The following NDUFV3 variants were observed in gnomAD, a reference collection of about 807,000 sequenced individuals.
The protein encoded by NDUFV3 is NADH:ubiquinone oxidoreductase subunit V3.
In NDUFV3, 44 loss-of-function variants were observed where a neutral mutation model predicts 37.5. That is an observed-to-expected ratio of 1.17 (90% CI 0.92 to 1.51). The LOEUF is 1.51. NDUFV3 is among the 40% of genes most tolerant of loss of function. The pLI, the probability that NDUFV3 is intolerant of heterozygous loss-of-function variation, is 0.00. For synonymous variants in NDUFV3, 235 were observed against 239.3 expected (o/e 0.98, Z 0.17); for missense variants, 580 against 580.4 (o/e 1.00, Z 0.01).
Position 42,896,921 on chromosome 21 carries a change from T to G in NDUFV3, c.49-6T>G. 6.2e-7 allele frequency: 1 copy of G among 1,611,390 alleles called. No individual in the cohort carries two copies. Among genetic ancestry groups the G allele is most frequent in the Non-Finnish European group, 8.5e-7 (1 of 1,177,644 alleles). On this transcript the variant is annotated splice_polypyrimidine_tract_variant and splice_region_variant and intron_variant, in intron 1 of 3. Coordinates refer to ENST00000354250, the MANE Select transcript of NDUFV3 (RefSeq NM_021075.4). ...AAACATCCATATTCATTAATTCTTT[T>G]GTCAGACTATGCTCCAGGAAGCCCA...
rs2058732286 is a variant in NDUFV3, at chr21:42,904,284, T to C, written c.1264+8T>C. On this transcript the variant is annotated splice_region_variant and intron_variant, in intron 3 of 3. Transcript: ENST00000354250. ...ACCGAGGCGGCACACAGGGTATACCTTGACTCGCGCTCCCAAGTGCACCCT... is the reference window on the plus strand; with the variant it reads ...ACCGAGGCGGCACACAGGGTATACCCTGACTCGCGCTCCCAAGTGCACCCT... 1 of 1,582,106 alleles carries C rather than the reference T, an allele frequency of 6.3e-7. No individual in the cohort carries two copies. Among genetic ancestry groups the C allele is most frequent in the Non-Finnish European group, 8.6e-7 (1 of 1,163,694 alleles).
In NDUFV3 at chr21:42,900,804, G is replaced by C. The variant is rs549666677; in HGVS notation, c.170-2378G>C. ...ACCCTGGCGCGATGGGACATGCTGT[G>C]CCTTATTTCATCAGAGGTGTCCAGC... On this transcript the variant is annotated intron_variant, in intron 2 of 3. Transcript: ENST00000354250. 6.5e-4 allele frequency among the ~76,000 whole-genome samples: 99 copies of C among 152,286 alleles called. 1 individual carries two copies. The highest frequency in any genetic ancestry group is 6.4e-3 in the Admixed American group (98 of 15,284).
intron 2 of NDUFV3, among the ~76,000 whole-genome samples, chr21:42,897,975 C>A (rs754928328): frequency 2.6e-5 from 4 of 152,190 alleles, no homozygotes; most frequent in Non-Finnish European, 5.9e-5. Flanking sequence ...CGTGCCCAGT[C>A]CTAAATCTTT....
At position 42,912,077 on chromosome 21, in the gene NDUFV3, C is replaced by T. The variant is rs570487381; in HGVS notation, c.*3056C>T. On this transcript the variant is annotated 3_prime_UTR_variant, in exon 4 of 4. Coordinates refer to ENST00000354250, the MANE Select transcript of NDUFV3 (RefSeq NM_021075.4). ...CTAACATGGTGAAACCCCCTCTCTA[C>T]TAAAATTACAAAATTAGCCGGGCGT... 1 of 152,054 alleles carries T rather than the reference C, an allele frequency of 6.6e-6. No individual in the cohort carries two copies. The highest frequency in any genetic ancestry group is 6.6e-5 in the Admixed American group (1 of 15,258). The allele number at this position is 152,054 out of a possible 1,614,324, so 9.4% of individuals were successfully genotyped here. A position where few individuals can be genotyped will look rare whatever the true frequency, so the allele number is the denominator to read the frequency against.
In NDUFV3 at chr21:42,895,715, G is replaced by A. The variant is rs1240269627; in HGVS notation, c.49-1212G>A. Among the ~76,000 whole-genome samples the A allele has an allele frequency of 2.0e-5, 3 of 151,234 alleles. No individual in the cohort carries two copies. In the East Asian group the frequency reaches 5.8e-4, roughly 29 times the overall value. On this transcript the variant is annotated intron_variant, in intron 1 of 3. Transcript: ENST00000354250. ...GTATTTTGTAGGTTAATAAATAATTGGAGACTACAAAAAAAATGCACTGGA... is the reference window on the plus strand; with the variant it reads ...GTATTTTGTAGGTTAATAAATAATTAGAGACTACAAAAAAAATGCACTGGA...
chr21:42,908,406 T>G (rs11911003), intron 3 of NDUFV3, among the ~76,000 whole-genome samples: 1,615 of 152,362 alleles, frequency 0.011, 42 homozygotes, highest in African/African-American at 0.037. Context: ...TTTTCTTTAC[T>G]GTGGCTTTTG....
chr21:42,909,375 CAG>C lies in NDUFV3; in HGVS notation c.*356_*357del. On this transcript the variant is annotated 3_prime_UTR_variant, in exon 4 of 4. Coordinates refer to ENST00000354250, the MANE Select transcript of NDUFV3 (RefSeq NM_021075.4). ...CAGGCTGGTCTCGAACTCCTGACCT[CAG>C]ATGGTCTGCCCACCTCCGCCTCCCA... 2 of 331,432 alleles carry C rather than the reference CAG, an allele frequency of 6.0e-6. No homozygotes were observed. Among genetic ancestry groups the C allele is most frequent in the South Asian group, 5.0e-5 (2 of 40,372 alleles). The allele number at this position is 331,432 out of a possible 1,614,324, so 20.5% of individuals were successfully genotyped here. A position where few individuals can be genotyped will look rare whatever the true frequency, so the allele number is the denominator to read the frequency against.
At chr21:42,893,418 C>T (rs1309379912) in intron 1 of NDUFV3, 37 bp downstream of exon 1, 39 of 1,533,980 alleles carry the variant, frequency 2.5e-5, no homozygotes, top group Non-Finnish European at 3.4e-5. Context: ...CTGCGCGGCC[C>T]CGAGCCTACG....
Position 42,904,059 on chromosome 21 carries a change from G to A in NDUFV3, c.1047G>A (p.Leu349=), listed in dbSNP as rs1383926569. The part of the protein sequence containing the change: ...PEPQRKAAPP[L]PRKETSGTQG... ...CCCAGCGCAAGGCGGCCCCTCCCCTGCCCAGAAAGGAAACCTCAGGGACGC... is the reference window on the plus strand; with the variant it reads ...CCCAGCGCAAGGCGGCCCCTCCCCTACCCAGAAAGGAAACCTCAGGGACGC... Residue 349 remains leucine, a synonymous_variant, in exon 3 of 4, where the codon CTG becomes CTA. Transcript: ENST00000354250. The A allele has an allele frequency of 1.2e-6, 2 of 1,614,232 alleles. No homozygotes were observed. Among genetic ancestry groups the A allele is most frequent in the Non-Finnish European group, 1.7e-6 (2 of 1,180,040 alleles).
chr21:42,893,640 C>G (rs1266847408), intron 1 of NDUFV3, among the ~76,000 whole-genome samples: 1 of 152,196 alleles, frequency 6.6e-6, no homozygotes, highest in Non-Finnish European at 1.5e-5. Context: ...TGGCGTGCCC[C>G]GTGCCGACGG....
intron 3 of NDUFV3, among the ~76,000 whole-genome samples, chr21:42,905,084 C>T (rs991664820): frequency 1.3e-5 from 2 of 152,088 alleles, no homozygotes; most frequent in African/African-American, 2.4e-5. Flanking sequence ...CCACCGTGCC[C>T]GGCCCCCAAC....
rs1179022755 is a variant in NDUFV3 at position 42,893,714 on chromosome 21, G to C, written c.48+333G>C. Among the ~76,000 whole-genome samples the C allele has an allele frequency of 2.6e-5, 4 of 152,338 alleles. No homozygotes were observed. In the East Asian group the frequency reaches 7.7e-4, roughly 29 times the overall value. On this transcript the variant is annotated intron_variant, in intron 1 of 3. Coordinates refer to ENST00000354250, the MANE Select transcript of NDUFV3 (RefSeq NM_021075.4). ...GTGGACGTTCCCAGGTGATGCTGCC[G>C]CGCGGCTGGGGTCAGCCGCTGTGCG...
chr21:42,904,812 GAC>G (rs2058734616), intron 3 of NDUFV3, among the ~76,000 whole-genome samples: 15 of 143,466 alleles, frequency 1.0e-4, no homozygotes, highest in African/African-American at 3.6e-4. Context: ...TTTTTTTTGA[GAC>G]AGAGTCTTGC....
intron 2 of NDUFV3, among the ~76,000 whole-genome samples, chr21:42,899,094 C>G (rs1219862370): frequency 3.3e-5 from 5 of 152,140 alleles, no homozygotes; most frequent in Admixed American, 2.0e-4. Flanking sequence ...TTGACGGGCC[C>G]TGCAGGCCTC....
rs1228597836 is a variant in NDUFV3, at chr21:42,894,360, T to TTA, written c.48+989_48+990dup. Among the ~76,000 whole-genome samples, 6 of 26,002 alleles carry TTA rather than the reference T, an allele frequency of 2.3e-4. 2 individuals carry two copies. The highest frequency in any genetic ancestry group is 4.7e-4 in the East Asian group (1 of 2,110). 17.1% of individuals were successfully genotyped at this position (26,002 alleles called of 152,430 possible). On this transcript the variant is annotated intron_variant, in intron 1 of 3. Coordinates refer to ENST00000354250, the MANE Select transcript of NDUFV3 (RefSeq NM_021075.4). Reference sequence around the variant, plus strand: ...TATATATATTATATATAAATATATATTATATATATATTTATATAATATGTA... The same window carrying TTA: ...TATATATATTATATATAAATATATATTATATATATATATTTATATAATATGTA...
intron 2 of NDUFV3, among the ~76,000 whole-genome samples, chr21:42,899,274 C>CTTTTTTTTTTTTTTTTT (rs1174011282): frequency 1.8e-5 from 1 of 54,842 alleles, no homozygotes; most frequent in Non-Finnish European, 3.5e-5. Context: ...ACAGTTGTAT[C>CTTTTTTTTTTTTTTTTT]TTGTTTTTTT....
chr21:42,902,562 G>C lies in NDUFV3; in HGVS notation c.170-620G>C, dbSNP rs1451435879. Among the ~76,000 whole-genome samples, 10 of 152,332 alleles carry C rather than the reference G, an allele frequency of 6.6e-5. No individual in the cohort carries two copies. The East Asian group carries it at 1.9e-3, about 29-fold the overall frequency. On this transcript the variant is annotated intron_variant, in intron 2 of 3. Coordinates refer to ENST00000354250, the MANE Select transcript of NDUFV3 (RefSeq NM_021075.4). ...AGTTCTATTTTGAGGTGACAGGGAA[G>C]CAACAAGGCGAATTCCTGCTTTCAC...
intron 1 of NDUFV3, 62 bp downstream of exon 1, chr21:42,893,443 A>AGGGGGCGCGGTGCTGGTC: frequency 6.6e-7 from 1 of 1,522,096 alleles, no homozygotes; most frequent in South Asian, 1.2e-5. Flanking sequence ...GGATGGGGTG[A>AGGGGGCGCGGTGCTGGTC]GGGGGCGCGG....
rs2058760977 is a variant in NDUFV3, at chr21:42,909,691, T to C, written c.*670T>C. The stretch of plus-strand genomic sequence containing the variant: ...ATCAATAATGTAATAGTGACTTCTT[T>C]TATTTTTTTTGAGATGGAGTCTCTG... On this transcript the variant is annotated 3_prime_UTR_variant, in exon 4 of 4. Coordinates refer to ENST00000354250, the MANE Select transcript of NDUFV3 (RefSeq NM_021075.4). 1 of 152,708 alleles carries C rather than the reference T, an allele frequency of 6.5e-6. No individual in the cohort carries two copies. The highest frequency in any genetic ancestry group is 2.4e-5 in the African/African-American group (1 of 41,382). 9.5% of individuals were successfully genotyped at this position (152,708 alleles called of 1,614,324 possible).
Sources: allele counts gnomAD v4.1 joint callset (sites outside exome capture counted in the v4.1 genomes callset), GRCh38; gene constraint gnomAD v4.1.1; transcripts MANE v1.5; gene names NCBI Gene and HGNC (gene_info 2026-07-23, HGNC 2026-07-21).